CDH12: variants seen among roughly 807,000 people sequenced by gnomAD.
CDH12 encodes the protein cadherin 12, also known as cadherin-12.
Under a neutral mutation model 74.1 loss-of-function variants are expected in CDH12, and 41 were observed. That is an observed-to-expected ratio of 0.55 (90% confidence interval 0.43 to 0.72). The LOEUF (loss-of-function observed/expected upper bound fraction) is 0.72. CDH12 is among the 30% of genes least tolerant of loss of function. The pLI, the probability that CDH12 is intolerant of heterozygous loss-of-function variation, is 0.00. For missense variants in CDH12, 945 were observed against 977.2 expected, an observed-to-expected ratio of 0.97 and a Z score of 0.44; for synonymous variants, 399 against 355.0, an observed-to-expected ratio of 1.12 and a Z score of -1.39.
At chr5:22,822,168 T>C (rs916879059) in intron 1 of CDH12, among the ~76,000 whole-genome samples, 13 of 151,734 alleles carry the variant, frequency 8.6e-5, no homozygotes, top group African/African-American at 1.4e-4. Flanking sequence ...CTGGGAAAAC[T>C]GGCTAGCCAT....
intron 3 of CDH12, among the ~76,000 whole-genome samples, chr5:22,394,636 T>A (rs1338155536): frequency 6.6e-6 from 1 of 152,134 alleles, no homozygotes; most frequent in Admixed American, 6.6e-5. Context: ...TCTTGTTAGA[T>A]TTCAAACTTG....
At chr5:22,755,637 A>T (rs1745856102) in intron 1 of CDH12, among the ~76,000 whole-genome samples, 2 of 152,176 alleles carry the variant, frequency 1.3e-5, no homozygotes, top group Admixed American at 1.3e-4. Context: ...GATTTACTTA[A>T]GGACAATGTT....
At chr5:22,019,098 G>A (rs1477036323) in intron 5 of CDH12, among the ~76,000 whole-genome samples, 1 of 151,690 alleles carries the variant, frequency 6.6e-6, no homozygotes, top group Non-Finnish European at 1.5e-5. Context: ...ATATTTCAAT[G>A]TTTCTGCTTA....
intron 1 of CDH12, among the ~76,000 whole-genome samples, chr5:22,815,057 G>T (rs1007512420): frequency 6.6e-6 from 1 of 152,054 alleles, no homozygotes; most frequent in African/African-American, 2.4e-5. Context: ...TAGAAGAGAG[G>T]GTTCAACTTT....
At chr5:21,907,662 A>G (rs900109135) in intron 6 of CDH12, among the ~76,000 whole-genome samples, 1 of 152,232 alleles carries the variant, frequency 6.6e-6, no homozygotes, top group African/African-American at 2.4e-5. Context: ...CCAAAATCCT[A>G]GAGCCAGCCC....
chr5:22,369,872 G>C (rs1212477702), intron 3 of CDH12, among the ~76,000 whole-genome samples: 1 of 152,102 alleles, frequency 6.6e-6, no homozygotes, highest in African/African-American at 2.4e-5. Context: ...GAAAAATAGT[G>C]AATAAATTAA....
At chr5:22,112,194 C>A (rs1164583454) in intron 4 of CDH12, among the ~76,000 whole-genome samples, 2 of 151,950 alleles carry the variant, frequency 1.3e-5, no homozygotes, top group Non-Finnish European at 2.9e-5. Context: ...AATACATTTC[C>A]TGACTTTTTC....
chr5:21,792,596 C>T lies in CDH12; in HGVS notation c.1257-9102G>A, dbSNP rs1475754679. On this transcript the variant is annotated intron_variant, in intron 10 of 14. Coordinates refer to ENST00000382254, the MANE Select transcript of CDH12 (RefSeq NM_004061.5). ...TCCAAGTTGCTTAAGCTTTCCTCTG[C>T]CCTTTTTTTTTTTTTTTTTTTTCTT... Among the ~76,000 whole-genome samples, 18 of 99,716 alleles carry T rather than the reference C, an allele frequency of 1.8e-4. No individual in the cohort carries two copies. The Admixed American group carries it at 1.9e-3, about 10-fold the overall frequency. 65.4% of individuals were successfully genotyped at this position (99,716 alleles called of 152,430 possible). A position where few individuals can be genotyped will look rare whatever the true frequency, so the allele number is the denominator to read the frequency against.
intron 4 of CDH12, among the ~76,000 whole-genome samples, chr5:22,118,357 C>T (rs1367526319): frequency 6.6e-6 from 1 of 152,036 alleles, no homozygotes; most frequent in African/African-American, 2.4e-5. Context: ...ATTGTTTCAG[C>T]CTTTTACATA....
chr5:22,234,568 G>T (rs77854947), intron 3 of CDH12, among the ~76,000 whole-genome samples: 2,042 of 146,480 alleles, frequency 0.014, 20 homozygotes, highest in Middle Eastern at 0.051. Flanking sequence ...GGTATGTGGG[G>T]TTTTTTTTGT....
In CDH12 at chr5:22,153,183, C is replaced by CTTT. The variant is rs70957094; in HGVS notation, c.-187+59312_-187+59314dup. On this transcript the variant is annotated intron_variant, in intron 4 of 14. Transcript: ENST00000382254. ...TCTTTTCTTTTCGTTTTTTTCTTTT[C>CTTT]TTTTTTTTTTTTTTTAGAAACCTCC... 1.1e-3 allele frequency among the ~76,000 whole-genome samples: 159 copies of CTTT among 138,464 alleles called. 3 individuals carry two copies. The highest frequency in any genetic ancestry group is 3.8e-3 in the Middle Eastern group (1 of 264). The allele number at this position is 138,464 out of a possible 152,430, so 90.8% of individuals were successfully genotyped here.
intron 3 of CDH12, among the ~76,000 whole-genome samples, chr5:22,253,470 T>C (rs1329036780): frequency 6.6e-6 from 1 of 151,950 alleles, no homozygotes; most frequent in Non-Finnish European, 1.5e-5. Context: ...TCATTTAAAA[T>C]AAAGTACTTG....
intron 3 of CDH12, among the ~76,000 whole-genome samples, chr5:22,231,570 C>T (rs915550159): frequency 6.6e-6 from 1 of 151,958 alleles, no homozygotes; most frequent in Non-Finnish European, 1.5e-5. Flanking sequence ...AAATGAAAAT[C>T]ATATTTCATG....
chr5:21,978,682 T>A (rs1440490724), intron 5 of CDH12, among the ~76,000 whole-genome samples: 1 of 152,186 alleles, frequency 6.6e-6, no homozygotes, highest in African/African-American at 2.4e-5. Flanking sequence ...GCATATTCAT[T>A]CAGTGAAGTT....
At chr5:22,087,557 C>A (rs1217686649) in intron 4 of CDH12, among the ~76,000 whole-genome samples, 3 of 152,078 alleles carry the variant, frequency 2.0e-5, no homozygotes, top group Non-Finnish European at 4.4e-5. Flanking sequence ...AGGAGAATTG[C>A]CTGAACCCAG....
chr5:22,489,301 C>G (rs1037286135), intron 2 of CDH12, among the ~76,000 whole-genome samples: 1 of 151,588 alleles, frequency 6.6e-6, no homozygotes, highest in Non-Finnish European at 1.5e-5. Context: ...TCGTGATCCA[C>G]CTGCCTCGGC....
At position 21,872,785 on chromosome 5, in the gene CDH12, T is replaced by TCGATCTAC. The variant is rs1491549038; in HGVS notation, c.527-17996_527-17995insGTAGATCG. 8.4e-4 allele frequency among the ~76,000 whole-genome samples: 19 copies of TCGATCTAC among 22,506 alleles called. 1 individual carries two copies. The highest frequency in any genetic ancestry group is 3.5e-3 in the African/African-American group (13 of 3,718). 14.8% of individuals were successfully genotyped at this position (22,506 alleles called of 152,430 possible). A position where few individuals can be genotyped will look rare whatever the true frequency, so the allele number is the denominator to read the frequency against. On this transcript the variant is annotated intron_variant, in intron 6 of 14. Transcript: ENST00000382254. ...TGCCTCTGCCATGTTAAGAGTAAGA[T>TCGATCTAC]CTATCTATCTATCTATCTATCTATC...
At chr5:21,898,984 C>A (rs1753259697) in intron 6 of CDH12, among the ~76,000 whole-genome samples, 3 of 152,128 alleles carry the variant, frequency 2.0e-5, no homozygotes, top group Admixed American at 2.0e-4. Context: ...ACAATTTCTC[C>A]TGCTTTCCAG....
At chr5:21,911,307 A>G (rs961083871) in intron 6 of CDH12, among the ~76,000 whole-genome samples, 1 of 152,168 alleles carries the variant, frequency 6.6e-6, no homozygotes, top group Non-Finnish European at 1.5e-5. Flanking sequence ...CAGACTATAA[A>G]TTAGAAGTCA....
Sources: gnomAD v4.1 joint callset for allele counts (sites outside exome capture counted in the v4.1 genomes callset) on GRCh38, gnomAD v4.1.1 for gene constraint, MANE v1.5 for transcripts, NCBI Gene and HGNC (gene_info 2026-07-23, HGNC 2026-07-21) for gene names.